ADGB: variants seen among roughly 807,000 people sequenced by gnomAD.
ADGB encodes calpain-7-like protein.
Under a neutral mutation model 210.5 loss-of-function variants are expected in ADGB, and 172 were observed. That is an observed-to-expected ratio of 0.82 (90% CI 0.72 to 0.93). The LOEUF (loss-of-function observed/expected upper bound fraction) is 0.93. Ranked by LOEUF, ADGB falls within the 40% of genes least tolerant of loss-of-function variation. The pLI is 0.00. For missense variants in ADGB, 2,025 were observed against 1,964.8 expected, an observed-to-expected ratio of 1.03 and a Z score of -0.58; for synonymous variants, 658 against 662.7, an observed-to-expected ratio of 0.99 and a Z score of 0.11.
Position 146,763,909 on chromosome 6 carries a change from C to T in ADGB, c.3559C>T (p.His1187Tyr), listed in dbSNP as rs1196306192. The T allele has an allele frequency of 1.3e-5, 20 of 1,550,306 alleles. No individual in the cohort carries two copies. The South Asian group carries it at 2.1e-4, about 17-fold the overall frequency. Residue 1187 changes from histidine (H) to tyrosine (Y), a missense_variant, in exon 28 of 36, where the codon CAC (histidine) becomes TAC (tyrosine). Transcript: ENST00000397944. Reference sequence around the variant, plus strand: ...GTATTTCTCCTATTCAGCTAGCAAGCACATTCTTTCATTTCACTCTGCATC... The same window carrying T: ...GTATTTCTCCTATTCAGCTAGCAAGTACATTCTTTCATTTCACTCTGCATC... The part of the protein sequence containing the change: ...EKGLSSQSSK[H>Y]ILSFHSASKK...
intron 1 of ADGB, among the ~76,000 whole-genome samples, chr6:146,622,121 A>G (rs891693920): frequency 1.3e-5 from 2 of 152,084 alleles, no homozygotes; most frequent in Admixed American, 1.3e-4. Flanking sequence ...TTTATTTTGA[A>G]TTTCCCTAAT....
intron 1 of ADGB, among the ~76,000 whole-genome samples, chr6:146,622,463 G>A (rs1053478909): frequency 3.9e-4 from 60 of 151,986 alleles, no homozygotes; most frequent in African/African-American, 1.4e-3. Context: ...TCATCACATA[G>A]CCAACAATGT....
chr6:146,662,296 G>A (rs192088961), intron 5 of ADGB, among the ~76,000 whole-genome samples: 44 of 151,770 alleles, frequency 2.9e-4, no homozygotes, highest in African/African-American at 7.5e-4. Flanking sequence ...TGCATTATCC[G>A]CACAGGTCCC....
intron 25 of ADGB, among the ~76,000 whole-genome samples, chr6:146,744,703 G>A (rs533466706): frequency 9.5e-4 from 145 of 152,094 alleles, no homozygotes; most frequent in African/African-American, 3.4e-3. Context: ...ACTAGTCTGT[G>A]GGATTCCTCG....
chr6:146,711,929 T>C (rs908597306), intron 13 of ADGB, among the ~76,000 whole-genome samples: 1 of 151,714 alleles, frequency 6.6e-6, no homozygotes, highest in African/African-American at 2.4e-5. Flanking sequence ...TGGCGGTGCA[T>C]GTCTGTTGTC....
chr6:146,724,507 T>C, intron 18 of ADGB, 180 bp downstream of exon 18: 1 of 526,566 alleles, frequency 1.9e-6, no homozygotes, highest in Admixed American at 4.0e-5. Context: ...CATTGAGAAA[T>C]ACTGTACAAT....
At chr6:146,716,123 G>A (rs1020564947) in intron 14 of ADGB, among the ~76,000 whole-genome samples, 6 of 151,362 alleles carry the variant, frequency 4.0e-5, no homozygotes, top group Admixed American at 2.0e-4. Context: ...TAGAACCACT[G>A]ACTGTGGGGA....
chr6:146,737,469 C>T (rs1000278410), intron 23 of ADGB, among the ~76,000 whole-genome samples: 2 of 152,044 alleles, frequency 1.3e-5, no homozygotes, highest in African/African-American at 4.8e-5. Flanking sequence ...ATTGGAGTGA[C>T]AGAAGGTACA....
chr6:146,808,833 C>T (rs1362490459), intron 35 of ADGB, among the ~76,000 whole-genome samples: 1 of 148,546 alleles, frequency 6.7e-6, no homozygotes, highest in African/African-American at 2.5e-5. Flanking sequence ...GAGTTTCACT[C>T]TTGTTGGGGT....
chr6:146,599,156 C>G, intron 1 of ADGB, 42 bp downstream of exon 1: 6 of 1,522,670 alleles, frequency 3.9e-6, no homozygotes, highest in Non-Finnish European at 5.4e-6. Context: ...TGGCCTAGCC[C>G]CTCGACCTCA....
chr6:146,693,412 G>C (rs1583593080), intron 12 of ADGB, among the ~76,000 whole-genome samples: 1 of 152,246 alleles, frequency 6.6e-6, no homozygotes, highest in East Asian at 1.9e-4. Context: ...AGGCAGGAAG[G>C]AGAGTCTTCA....
At chr6:146,811,696 G>C (rs751059015) in intron 35 of ADGB, among the ~76,000 whole-genome samples, 5 of 151,834 alleles carry the variant, frequency 3.3e-5, no homozygotes, top group Non-Finnish European at 7.4e-5. Context: ...TTTTGAGATG[G>C]ACTCTCCCTC....
At position 146,676,344 on chromosome 6, in the gene ADGB, G is replaced by C. The variant is rs78189468; in HGVS notation, c.1119G>C (p.Lys373Asn). The change falls in exon 9 of 36, where the codon AAG becomes AAC. Residue 373 changes from lysine to asparagine, a missense_variant. Coordinates refer to ENST00000397944, the MANE Select transcript of ADGB (RefSeq NM_024694.4). ...CAGATGCAAGAGACATTGGAAAGAA[G>C]AGAAGCAAAGATGGAGAAAAAGAAA... ...EKADARDIGKKRSKDGEKEKF... is the reference protein window; with the variant it reads ...EKADARDIGKNRSKDGEKEKF... 7 of 1,549,218 alleles carry C rather than the reference G, an allele frequency of 4.5e-6. No homozygotes were observed. Among genetic ancestry groups the C allele is most frequent in the Non-Finnish European group, 6.1e-6 (7 of 1,145,662 alleles).
At chr6:146,714,302 C>A (rs1477350169) in intron 13 of ADGB, among the ~76,000 whole-genome samples, 1 of 145,498 alleles carries the variant, frequency 6.9e-6, no homozygotes, top group South Asian at 2.1e-4. Context: ...GGCTGGCTCC[C>A]AATGTGCATC....
chr6:146,697,576 A>G (rs2114539815), intron 12 of ADGB, among the ~76,000 whole-genome samples: 1 of 152,292 alleles, frequency 6.6e-6, no homozygotes, highest in African/African-American at 2.4e-5. Context: ...GCAAAGTTGA[A>G]AATAGATTAG....
At chr6:146,747,021 C>T (rs967100102) in intron 26 of ADGB, among the ~76,000 whole-genome samples, 5 of 152,126 alleles carry the variant, frequency 3.3e-5, no homozygotes, top group African/African-American at 1.2e-4. Context: ...GGTCATGTTC[C>T]TATAGTCCTT....
At position 146,650,005 on chromosome 6, in the gene ADGB, G is replaced by A. The variant is rs566862011; in HGVS notation, c.331-4130G>A. On this transcript the variant is annotated intron_variant, in intron 3 of 35. Coordinates refer to ENST00000397944, the MANE Select transcript of ADGB (RefSeq NM_024694.4). ...TGTACACACACACAAAGATCCAATA[G>A]TTTTTATCTAAGAACTCTAGCCATG... Among the ~76,000 whole-genome samples, 14 of 152,192 alleles carry A rather than the reference G, an allele frequency of 9.2e-5. No individual in the cohort carries two copies. The South Asian group carries it at 1.4e-3, about 16-fold the overall frequency.
chr6:146,707,960 T>C (rs1215526645), intron 13 of ADGB, among the ~76,000 whole-genome samples: 1 of 152,036 alleles, frequency 6.6e-6, no homozygotes, highest in Non-Finnish European at 1.5e-5. Context: ...ATGTTTTTAG[T>C]GGTTTGCTTT....
intron 1 of ADGB, among the ~76,000 whole-genome samples, chr6:146,608,762 T>C (rs1403786291): frequency 2.0e-5 from 3 of 152,200 alleles, no homozygotes; most frequent in Non-Finnish European, 4.4e-5. Context: ...ATTTTTTCAA[T>C]TTGTTGAGAA....
Sources: allele counts gnomAD v4.1 joint callset (sites outside exome capture counted in the v4.1 genomes callset), GRCh38; gene constraint gnomAD v4.1.1; transcripts MANE v1.5; gene names NCBI Gene and HGNC (gene_info 2026-07-23, HGNC 2026-07-21).